The following PSMA1 variants were observed in gnomAD, a reference collection of about 807,000 sequenced individuals.
PSMA1 encodes the protein proteasome subunit alpha type-1.
A neutral mutation model predicts 38.4 loss-of-function variants in PSMA1; 3 were observed. The observed-to-expected ratio is 0.08, with a 90% confidence interval of 0.04 to 0.20. PSMA1 has a LOEUF of 0.20. Ranked by LOEUF, PSMA1 falls within the 10% of genes least tolerant of loss-of-function variation. PSMA1 has a pLI of 1.00. For synonymous variants in PSMA1, 101 were observed against 107.1 expected (o/e 0.94, Z 0.35); for missense variants, 227 against 325.3 (o/e 0.70, Z 2.32).
At chr11:14,537,444 C>A (rs1851721663) in intron 2 of PSMA1, among the ~76,000 whole-genome samples, 1 of 151,644 alleles carries the variant, frequency 6.6e-6, no homozygotes, top group Non-Finnish European at 1.5e-5. Context: ...ACTGCAATAA[C>A]TAAGGAAGAA....
intron 1 of PSMA1, among the ~76,000 whole-genome samples, chr11:14,616,740 T>C (rs572465473): frequency 4.4e-4 from 67 of 152,272 alleles, no homozygotes; most frequent in African/African-American, 1.6e-3. Context: ...TAGATACTAT[T>C]AGCCCTATTT....
intron 2 of PSMA1, among the ~76,000 whole-genome samples, chr11:14,610,534 C>T (rs1852697112): frequency 6.6e-6 from 1 of 152,208 alleles, no homozygotes; most frequent in Non-Finnish European, 1.5e-5. Flanking sequence ...AGTGTCTACA[C>T]CTATGTCATG....
intron 1 of PSMA1, among the ~76,000 whole-genome samples, chr11:14,636,511 T>C (rs1853115050): frequency 6.6e-6 from 1 of 152,208 alleles, no homozygotes; most frequent in South Asian, 2.1e-4. Flanking sequence ...TCTCACACTA[T>C]ATACTCTCAT....
At chr11:14,626,188 T>G (rs1322727268) in intron 1 of PSMA1, among the ~76,000 whole-genome samples, 1 of 152,018 alleles carries the variant, frequency 6.6e-6, no homozygotes, top group Non-Finnish European at 1.5e-5. Flanking sequence ...GATAATCTTT[T>G]GTACAGTCTG....
intron 2 of PSMA1, among the ~76,000 whole-genome samples, chr11:14,547,271 G>T (rs147423236): frequency 2.0e-5 from 3 of 152,274 alleles, no homozygotes; most frequent in Non-Finnish European, 4.4e-5. Context: ...CACTGGTTTA[G>T]AATTGGTCAT....
intron 8 of PSMA1, among the ~76,000 whole-genome samples, chr11:14,508,209 C>A (rs149837438): frequency 3.9e-5 from 6 of 152,172 alleles, no homozygotes; most frequent in Non-Finnish European, 5.9e-5. Flanking sequence ...TTCTTTTAGA[C>A]ACTTCTAACA....
chr11:14,556,766 A>G (rs1851944409), intron 2 of PSMA1, among the ~76,000 whole-genome samples: 1 of 152,182 alleles, frequency 6.6e-6, no homozygotes, highest in Non-Finnish European at 1.5e-5. Flanking sequence ...TATTTTGCCT[A>G]TAGACATCCA....
intron 2 of PSMA1, among the ~76,000 whole-genome samples, chr11:14,592,862 C>G (rs1354931692): frequency 6.6e-6 from 1 of 152,174 alleles, no homozygotes; most frequent in South Asian, 2.1e-4. Flanking sequence ...TCAGAAATGC[C>G]TTTCCTAATC....
chr11:14,525,583 G>A (rs1468810904), intron 2 of PSMA1, among the ~76,000 whole-genome samples: 1 of 152,140 alleles, frequency 6.6e-6, no homozygotes, highest in Non-Finnish European at 1.5e-5. Context: ...AAGTCTTACA[G>A]GTTAGTTCAG....
chr11:14,509,682 T>G (rs952374093), intron 8 of PSMA1, among the ~76,000 whole-genome samples: 26 of 151,328 alleles, frequency 1.7e-4, no homozygotes, highest in African/African-American at 6.1e-4. Flanking sequence ...ATTACAGGCG[T>G]GAGCCACTGC....
At chr11:14,600,295 C>T (rs376443371) in intron 2 of PSMA1, among the ~76,000 whole-genome samples, 4 of 152,180 alleles carry the variant, frequency 2.6e-5, no homozygotes, top group Admixed American at 6.5e-5. Flanking sequence ...GAGACAGGGA[C>T]GTTTAAGTCT....
chr11:14,513,407 G>T, intron 7 of PSMA1, 163 bp downstream of exon 7: 1 of 744,168 alleles, frequency 1.3e-6, no homozygotes, highest in Non-Finnish European at 1.9e-6. Flanking sequence ...GTTAAGATTA[G>T]TATATGTGAC....
At chr11:14,525,818 G>C (rs1485623902) in intron 2 of PSMA1, among the ~76,000 whole-genome samples, 4 of 152,146 alleles carry the variant, frequency 2.6e-5, no homozygotes, top group South Asian at 2.1e-4. Context: ...GGGCTGTGCT[G>C]CCGCAAGGCT....
chr11:14,571,825 C>A (rs1432825485), intron 2 of PSMA1, among the ~76,000 whole-genome samples: 1 of 151,646 alleles, frequency 6.6e-6, no homozygotes, highest in Non-Finnish European at 1.5e-5. Flanking sequence ...GAAGATCTAC[C>A]AAGCAAATGG....
chr11:14,629,977 G>A (rs1197118092), intron 1 of PSMA1, among the ~76,000 whole-genome samples: 1 of 152,058 alleles, frequency 6.6e-6, no homozygotes. Context: ...TCTGTTGTTG[G>A]TGTATAAGAA....
intron 7 of PSMA1, among the ~76,000 whole-genome samples, chr11:14,512,525 T>C (rs1026848898): frequency 6.6e-6 from 1 of 152,198 alleles, no homozygotes; most frequent in African/African-American, 2.4e-5. Context: ...CAGGTTGAAA[T>C]GTGCTAGGCA....
chr11:14,624,987 G>GTC (rs752632345), intron 1 of PSMA1, among the ~76,000 whole-genome samples: 1 of 152,204 alleles, frequency 6.6e-6, no homozygotes, highest in Non-Finnish European at 1.5e-5. Flanking sequence ...CCTTGTTGCA[G>GTC]TCTCAAGCCC....
chr11:14,570,849 G>C (rs1852130760), intron 2 of PSMA1, among the ~76,000 whole-genome samples: 2 of 152,088 alleles, frequency 1.3e-5, no homozygotes, highest in South Asian at 4.1e-4. Context: ...AGGAAATACA[G>C]AGACCACCAC....
At chr11:14,599,084 T>G (rs1485991733) in intron 2 of PSMA1, among the ~76,000 whole-genome samples, 16 of 152,280 alleles carry the variant, frequency 1.1e-4, no homozygotes, top group African/African-American at 2.9e-4. Context: ...CTTCTGGCTT[T>G]TAGAGTTTCT....
Sources: gnomAD v4.1 joint callset for allele counts (sites outside exome capture counted in the v4.1 genomes callset) on GRCh38, gnomAD v4.1.1 for gene constraint, MANE v1.5 for transcripts, NCBI Gene and HGNC (gene_info 2026-07-23, HGNC 2026-07-21) for gene names.